The following CTNNA3 variants were observed in gnomAD, a reference collection of about 807,000 sequenced individuals.
CTNNA3 encodes the protein catenin alpha 3, also known as catenin alpha-3.
Under a neutral mutation model 95.7 loss-of-function variants are expected in CTNNA3, and 76 were observed. That is an observed-to-expected ratio of 0.79 (90% CI 0.66 to 0.96). The LOEUF is 0.96. CTNNA3 is among the 40% of genes least tolerant of loss of function. CTNNA3 has a pLI of 0.00. For missense variants in CTNNA3, 1,191 were observed against 1,089.8 expected, an observed-to-expected ratio of 1.09 and a Z score of -1.31; for synonymous variants, 431 against 374.4, an observed-to-expected ratio of 1.15 and a Z score of -1.74.
chr10:66,043,434 T>C (rs1249405306), intron 15 of CTNNA3, among the ~76,000 whole-genome samples: 1 of 152,176 alleles, frequency 6.6e-6, no homozygotes. Flanking sequence ...TTTGTAGCTA[T>C]ATTAAATGAG....
intron 17 of CTNNA3, among the ~76,000 whole-genome samples, chr10:65,923,507 C>T (rs2077121203): frequency 6.6e-6 from 1 of 152,200 alleles, no homozygotes; most frequent in Non-Finnish European, 1.5e-5. Flanking sequence ...AGAGCATTCT[C>T]CCTTTTCAGA....
intron 2 of CTNNA3, among the ~76,000 whole-genome samples, chr10:67,615,576 CA>C (rs1843624490): frequency 6.6e-6 from 1 of 151,256 alleles, no homozygotes; most frequent in Admixed American, 6.6e-5. Flanking sequence ...CAGAACATGG[CA>C]ATGAGCCTCA....
At chr10:67,287,941 T>G (rs1213443823) in intron 5 of CTNNA3, among the ~76,000 whole-genome samples, 1 of 152,172 alleles carries the variant, frequency 6.6e-6, no homozygotes, top group African/African-American at 2.4e-5. Context: ...ATATGAGCTT[T>G]TGCAGTCAAT....
rs1488656262 is a variant in CTNNA3 at position 67,564,677 on chromosome 10, G to GTGTGTATATATA, written c.293-25009_293-25008insTATATATACACA. On this transcript the variant is annotated intron_variant, in intron 3 of 17. Coordinates refer to ENST00000433211, the MANE Select transcript of CTNNA3 (RefSeq NM_013266.4). ...TATATGCATATATGTGTGTGTGTGT[G>GTGTGTATATATA]TATATATATATATATATATATATAT... Among the ~76,000 whole-genome samples, 24 of 61,310 alleles carry GTGTGTATATATA rather than the reference G, an allele frequency of 3.9e-4. 1 individual carries two copies. Among genetic ancestry groups the GTGTGTATATATA allele is most frequent in the African/African-American group, 1.5e-3 (24 of 15,662 alleles). The allele number at this position is 61,310 out of a possible 152,430, so 40.2% of individuals were successfully genotyped here. A position where few individuals can be genotyped will look rare whatever the true frequency, so the allele number is the denominator to read the frequency against.
chr10:66,945,746 G>A (rs914176425), intron 7 of CTNNA3, among the ~76,000 whole-genome samples: 4 of 152,050 alleles, frequency 2.6e-5, no homozygotes, highest in Non-Finnish European at 5.9e-5. Flanking sequence ...AGATAAATGT[G>A]ACTCTCTTTT....
intron 9 of CTNNA3, among the ~76,000 whole-genome samples, chr10:66,678,016 A>G (rs752676911): frequency 8.5e-5 from 13 of 152,174 alleles, no homozygotes; most frequent in Non-Finnish European, 1.9e-4. Flanking sequence ...TGCCAAAACC[A>G]TACAATCTCA....
intron 7 of CTNNA3, among the ~76,000 whole-genome samples, chr10:67,000,791 G>A (rs577046134): frequency 3.3e-5 from 5 of 152,240 alleles, no homozygotes; most frequent in Admixed American, 3.3e-4. Flanking sequence ...AGCGCATTAT[G>A]AAGAGTAGAG....
At chr10:67,197,927 A>G (rs1364520477) in intron 6 of CTNNA3, among the ~76,000 whole-genome samples, 3 of 152,120 alleles carry the variant, frequency 2.0e-5, no homozygotes, top group Admixed American at 6.6e-5. Flanking sequence ...TTGTCTTGGT[A>G]AGAAATTGCA....
intron 17 of CTNNA3, among the ~76,000 whole-genome samples, chr10:65,963,658 A>G (rs1340560612): frequency 6.6e-6 from 1 of 152,222 alleles, no homozygotes; most frequent in East Asian, 1.9e-4. Context: ...GGAAATTATC[A>G]TATAATCATC....
At chr10:66,621,405 C>A (rs1336581371) in intron 10 of CTNNA3, among the ~76,000 whole-genome samples, 1 of 151,962 alleles carries the variant, frequency 6.6e-6, no homozygotes, top group African/African-American at 2.4e-5. Flanking sequence ...GGGCAGATCA[C>A]TTGAGGTCAG....
chr10:67,150,417 G>C (rs1156417135), intron 7 of CTNNA3, among the ~76,000 whole-genome samples: 3 of 151,974 alleles, frequency 2.0e-5, no homozygotes, highest in Admixed American at 6.6e-5. Context: ...ACTTTATTTT[G>C]GCCATTTGCT....
intron 11 of CTNNA3, among the ~76,000 whole-genome samples, chr10:66,412,407 GA>G (rs1426231114): frequency 1.3e-5 from 2 of 150,456 alleles, no homozygotes; most frequent in Admixed American, 1.3e-4. Flanking sequence ...GAGCTGCACA[GA>G]AAGATAGCTT....
intron 9 of CTNNA3, among the ~76,000 whole-genome samples, chr10:66,675,906 A>C (rs765126930): frequency 2.6e-5 from 4 of 152,112 alleles, no homozygotes; most frequent in African/African-American, 9.7e-5. Flanking sequence ...CCACCCAGAA[A>C]TTTGAATCTG....
At chr10:66,844,536 A>T (rs1384247195) in intron 7 of CTNNA3, among the ~76,000 whole-genome samples, 1 of 152,160 alleles carries the variant, frequency 6.6e-6, no homozygotes, top group African/African-American at 2.4e-5. Context: ...TTTCTTGTTT[A>T]AATCTTGGGA....
intron 14 of CTNNA3, among the ~76,000 whole-genome samples, chr10:66,071,418 A>T (rs969441508): frequency 7.4e-5 from 2 of 27,190 alleles, no homozygotes; most frequent in Non-Finnish European, 1.8e-4. Flanking sequence ...CCTATGAGGA[A>T]TTATTATTAT....
intron 15 of CTNNA3, among the ~76,000 whole-genome samples, chr10:66,006,233 T>G (rs1387066062): frequency 1.3e-5 from 2 of 151,936 alleles, no homozygotes; most frequent in Non-Finnish European, 2.9e-5. Flanking sequence ...CAGGATAGTC[T>G]CGATCTCCTG....
At chr10:66,955,637 C>T (rs1848749882) in intron 7 of CTNNA3, among the ~76,000 whole-genome samples, 2 of 152,132 alleles carry the variant, frequency 1.3e-5, no homozygotes, top group South Asian at 4.2e-4. Flanking sequence ...AGACACACGA[C>T]TGCATGACTT....
At chr10:67,705,785 A>T (rs11815306) in intron 1 of CTNNA3, among the ~76,000 whole-genome samples, 16,240 of 124,730 alleles carry the variant, frequency 0.13, 1,161 homozygotes, top group African/African-American at 0.27. Context: ...TAATAATAAT[A>T]AAAAAAAAAA....
intron 9 of CTNNA3, among the ~76,000 whole-genome samples, chr10:66,663,908 AT>A (rs1170069657): frequency 6.6e-6 from 1 of 152,070 alleles, no homozygotes; most frequent in South Asian, 2.1e-4. Flanking sequence ...TCTCCAAAGA[AT>A]TTTTTCTAGT....
Sources: gnomAD v4.1 joint callset for allele counts (sites outside exome capture counted in the v4.1 genomes callset) on GRCh38, gnomAD v4.1.1 for gene constraint, MANE v1.5 for transcripts, NCBI Gene and HGNC (gene_info 2026-07-23, HGNC 2026-07-21) for gene names.